GPATCH8: variants seen among roughly 807,000 people sequenced by gnomAD.
GPATCH8 encodes the protein G-patch domain containing 8.
A neutral mutation model predicts 118.3 loss-of-function variants in GPATCH8; 18 were observed. That is an observed-to-expected ratio of 0.15 (90% CI 0.11 to 0.23). The LOEUF (loss-of-function observed/expected upper bound fraction) is 0.23. Ranked by LOEUF, GPATCH8 falls within the 10% of genes least tolerant of loss-of-function variation. GPATCH8 has a pLI of 1.00. For missense variants in GPATCH8, 1,631 were observed against 1,873.8 expected (o/e 0.87, Z 2.39); for synonymous variants, 659 against 684.7 (o/e 0.96, Z 0.59).
At chr17:44,489,812 G>A (rs1969099765) in intron 1 of GPATCH8, among the ~76,000 whole-genome samples, 1 of 152,120 alleles carries the variant, frequency 6.6e-6, no homozygotes, top group Non-Finnish European at 1.5e-5. Context: ...CCAAAATTGA[G>A]TCATTCTGAC....
chr17:44,435,088 C>T lies in GPATCH8; in HGVS notation c.325G>A (p.Glu109Lys). 2 of 1,470,792 alleles carry T rather than the reference C, an allele frequency of 1.4e-6. No individual in the cohort carries two copies. The highest frequency in any genetic ancestry group is 1.9e-6 in the Non-Finnish European group (2 of 1,049,034). 91.1% of individuals were successfully genotyped at this position (1,470,792 alleles called of 1,614,324 possible). A position where few individuals can be genotyped will look rare whatever the true frequency, so the allele number is the denominator to read the frequency against. ...RVLEVEKEDT[E>K]ELRQKYKDYV... ...ACCTTGTACTTTTGTCTCAGCTCTT[C>T]TGTGTCTTCTTTTTCTACTTCTAGG... The change falls in exon 5 of 8, where the codon GAA becomes AAA. Residue 109 changes from glutamate to lysine, a missense_variant. Physicochemically the swap from Glu to Lys is moderately conservative, Grantham distance 56. Around this residue, in one of 8 missense-constraint regions of GPATCH8, gnomAD observed 81 missense variants for 227.6 expected, o/e 0.36. Coordinates refer to ENST00000591680, the MANE Select transcript of GPATCH8 (RefSeq NM_001002909.4).
chr17:44,417,867 G>C (rs1432588017), intron 6 of GPATCH8, among the ~76,000 whole-genome samples: 2 of 152,126 alleles, frequency 1.3e-5, no homozygotes, highest in Non-Finnish European at 2.9e-5. Context: ...TTGAAATGTA[G>C]GCCCAATGTT....
intron 3 of GPATCH8, among the ~76,000 whole-genome samples, chr17:44,444,534 A>C (rs1048934187): frequency 1.3e-4 from 20 of 152,038 alleles, no homozygotes; most frequent in African/African-American, 4.8e-4. Context: ...GCACTGTGGG[A>C]GGCCAAGGCA....
intron 1 of GPATCH8, among the ~76,000 whole-genome samples, chr17:44,479,787 TG>T (rs1968066258): frequency 6.6e-6 from 1 of 151,794 alleles, no homozygotes; most frequent in African/African-American, 2.4e-5. Flanking sequence ...ACCAACATGG[TG>T]AAACCCTGTC....
intron 7 of GPATCH8, among the ~76,000 whole-genome samples, chr17:44,405,311 C>G (rs570422474): frequency 1.4e-4 from 21 of 151,508 alleles, no homozygotes; most frequent in Non-Finnish European, 2.6e-4. Flanking sequence ...CAGGTTCAAG[C>G]GATTCTCCTG....
At chr17:44,447,521 C>T (rs944350665) in intron 3 of GPATCH8, among the ~76,000 whole-genome samples, 1 of 152,022 alleles carries the variant, frequency 6.6e-6, no homozygotes, top group African/African-American at 2.4e-5. Flanking sequence ...AAGCTTAGCT[C>T]TCCAATAAGA....
intron 3 of GPATCH8, among the ~76,000 whole-genome samples, chr17:44,456,730 A>G (rs564031729): frequency 2.0e-5 from 3 of 152,308 alleles, no homozygotes; most frequent in African/African-American, 7.2e-5. Flanking sequence ...TTATTTCCTA[A>G]CTGAAACAAG....
At chr17:44,448,230 C>T (rs1333140561) in intron 3 of GPATCH8, among the ~76,000 whole-genome samples, 1 of 152,020 alleles carries the variant, frequency 6.6e-6, no homozygotes, top group Non-Finnish European at 1.5e-5. Context: ...ACCCCATTTA[C>T]AGATGGAGAA....
At chr17:44,483,066 G>GA (rs1968408209) in intron 1 of GPATCH8, among the ~76,000 whole-genome samples, 1 of 139,154 alleles carries the variant, frequency 7.2e-6, no homozygotes, top group African/African-American at 2.7e-5. Context: ...TGAGGCAGGA[G>GA]AATGGTGTGA....
rs564315962 is a variant in GPATCH8 at position 44,442,743 on chromosome 17, T to C, written c.194-6198A>G. Among the ~76,000 whole-genome samples, 32 of 152,306 alleles carry C rather than the reference T, an allele frequency of 2.1e-4. No individual in the cohort carries two copies. In the South Asian group the frequency reaches 3.9e-3, roughly 19 times the overall value. ...GCCTCCAAAGTGCTGGGATTACAGG[T>C]GTAAGCCAATGAGCCCGGCCTAAAA... On this transcript the variant is annotated intron_variant, in intron 3 of 7. Coordinates refer to ENST00000591680, the MANE Select transcript of GPATCH8 (RefSeq NM_001002909.4).
intron 3 of GPATCH8, among the ~76,000 whole-genome samples, chr17:44,457,688 CT>C (rs1247041796): frequency 6.6e-6 from 1 of 152,154 alleles, no homozygotes; most frequent in African/African-American, 2.4e-5. Context: ...AATCCCAGCA[CT>C]GTGGGAGTCC....
intron 5 of GPATCH8, among the ~76,000 whole-genome samples, chr17:44,425,517 C>T (rs2050059074): frequency 1.3e-5 from 2 of 152,152 alleles, no homozygotes; most frequent in Non-Finnish European, 2.9e-5. Context: ...TTTTCTTTGA[C>T]AGTCCCGGAC....
chr17:44,403,196 C>T (rs1407786087), intron 7 of GPATCH8, among the ~76,000 whole-genome samples: 4 of 152,182 alleles, frequency 2.6e-5, no homozygotes, highest in Non-Finnish European at 5.9e-5. Flanking sequence ...CTCCCTCAGC[C>T]TCCCAAGTAG....
At chr17:44,441,247 G>C (rs914087514) in intron 3 of GPATCH8, among the ~76,000 whole-genome samples, 3 of 152,180 alleles carry the variant, frequency 2.0e-5, no homozygotes, top group Non-Finnish European at 2.9e-5. Flanking sequence ...CCATACTTTA[G>C]AAACAGAAGA....
chr17:44,395,548 A>G lies in GPATCH8; in HGVS notation c.*2020T>C. 1 of 454,482 alleles carries G rather than the reference A, an allele frequency of 2.2e-6. No individual in the cohort carries two copies. The highest frequency in any genetic ancestry group is 4.4e-6 in the Non-Finnish European group (1 of 226,788). The allele number at this position is 454,482 out of a possible 1,614,324, so 28.2% of individuals were successfully genotyped here. On this transcript the variant is annotated 3_prime_UTR_variant, in exon 8 of 8. Transcript: ENST00000591680. ...GTATTATTTATTTACATGGGCTGAA[A>G]GCAAAGAAAAATGAGTCCCTTCACT...
At chr17:44,479,959 C>A (rs1220238856) in intron 1 of GPATCH8, among the ~76,000 whole-genome samples, 1 of 119,106 alleles carries the variant, frequency 8.4e-6, no homozygotes, top group South Asian at 2.6e-4. Context: ...GAGCAAGACT[C>A]CGTCTCAAAA....
At chr17:44,467,688 G>A (rs192272358) in intron 2 of GPATCH8, among the ~76,000 whole-genome samples, 9 of 152,184 alleles carry the variant, frequency 5.9e-5, no homozygotes, top group African/African-American at 2.2e-4. Context: ...TGCTTTTGGA[G>A]GAAAAAAGGC....
chr17:44,443,649 C>T (rs893422415), intron 3 of GPATCH8, among the ~76,000 whole-genome samples: 2 of 152,168 alleles, frequency 1.3e-5, no homozygotes, highest in Middle Eastern at 3.4e-3. Flanking sequence ...TATACAACAA[C>T]CAAATTAATT....
At chr17:44,432,922 T>C (rs2050370916) in intron 5 of GPATCH8, among the ~76,000 whole-genome samples, 1 of 152,152 alleles carries the variant, frequency 6.6e-6, no homozygotes, top group Admixed American at 6.6e-5. Flanking sequence ...CACTGCTGTC[T>C]TCAACTCCTG....
Sources: gnomAD v4.1 joint callset for allele counts (sites outside exome capture counted in the v4.1 genomes callset) on GRCh38, gnomAD v4.1.1 for gene constraint, gnomAD v4.1.1 regional missense constraint, MANE v1.5 for transcripts, NCBI Gene and HGNC (gene_info 2026-07-23, HGNC 2026-07-21) for gene names.